HTRA2: variants seen among roughly 807,000 people sequenced by gnomAD.
The protein encoded by HTRA2 is serine protease HTRA2, mitochondrial.
A neutral mutation model predicts 42.2 loss-of-function variants in HTRA2; 24 were observed. The observed-to-expected ratio is 0.57, with a 90% confidence interval of 0.41 to 0.80. The LOEUF is 0.80. Among genes scored for constraint, HTRA2 ranks in the 30% least tolerant of loss-of-function variants. HTRA2 has a pLI of 0.00. For synonymous variants in HTRA2, 245 were observed against 255.8 expected (o/e 0.96, Z 0.40); for missense variants, 466 against 613.5 (o/e 0.76, Z 2.54).
Position 74,533,226 on chromosome 2 carries a change from A to G in HTRA2, c.*241A>G. 1.8e-6 allele frequency: 1 copy of G among 568,392 alleles called. No individual in the cohort carries two copies. The highest frequency in any genetic ancestry group is 3.1e-6 in the Non-Finnish European group (1 of 320,432). 35.2% of individuals were successfully genotyped at this position (568,392 alleles called of 1,614,324 possible). A position where few individuals can be genotyped will look rare whatever the true frequency, so the allele number is the denominator to read the frequency against. ...GAGGGCTGGATCTTTTCCCCCACCA[A>G]AAGGCTAGAGGTAAAGCTGTATCCC... On this transcript the variant is annotated 3_prime_UTR_variant, in exon 8 of 8. Transcript: ENST00000258080.
rs1675638882 is a variant in HTRA2 at position 74,531,911 on chromosome 2, G to C, written c.1101G>C (p.Leu367=). 6.2e-7 allele frequency: 1 copy of C among 1,614,008 alleles called. No individual in the cohort carries two copies. The highest frequency in any genetic ancestry group is 8.5e-7 in the Non-Finnish European group (1 of 1,180,020). The change falls in exon 6 of 8, where the codon CTG becomes CTC. Residue 367 remains leucine (L), a synonymous_variant. Coordinates refer to ENST00000258080, the MANE Select transcript of HTRA2 (RefSeq NM_013247.5). ...GGCGCTACATTGGGGTGATGATGCT[G>C]ACCCTGAGTCCCAGGTATGAGCTTT... The part of the protein sequence containing the change: ...SQRRYIGVMM[L]TLSPSILAEL...
chr2:74,530,157 A>G lies in HTRA2; in HGVS notation c.151A>G (p.Thr51Ala). The G allele has an allele frequency of 1.9e-6, 3 of 1,612,316 alleles. No individual in the cohort carries two copies. The highest frequency in any genetic ancestry group is 2.5e-6 in the Non-Finnish European group (3 of 1,179,504). ...AACTTCTGACCCCCGGGCCCGAGTG[A>G]CTTATGGGACCCCCAGTCTCTGGGC... ...SGTSDPRARV[T>A]YGTPSLWARL... Residue 51 changes from threonine (T) to alanine (A), a missense_variant, in exon 1 of 8, where the codon ACT (threonine) becomes GCT (alanine). By Grantham distance (58) the Thr-to-Ala change is moderately conservative. This residue lies in a region of HTRA2 where 222 missense variants were observed against 205.1 expected (regional missense o/e 1.08). Transcript: ENST00000258080. The surrounding 1 kb of genome is among the most constrained non-coding windows in gnomAD (Gnocchi z 7.4).
At chr2:74,531,979 G>C in intron 6 of HTRA2, 54 bp downstream of exon 6, 6 of 1,486,930 alleles carry the variant, frequency 4.0e-6, no homozygotes, top group Non-Finnish European at 5.6e-6. Flanking sequence ...TCAGAGGGGG[G>C]CACCTCTATT....
chr2:74,531,260 G>A, intron 3 of HTRA2, 79 bp from the exon 4 acceptor site: 2 of 1,574,850 alleles, frequency 1.3e-6, no homozygotes, highest in East Asian at 2.2e-5. Context: ...AAGAGAATTT[G>A]GAGAAAGTAC....
At chr2:74,531,784 TG>T in intron 5 of HTRA2, 71 bp from the exon 6 acceptor site, 1 of 1,610,656 alleles carries the variant, frequency 6.2e-7, no homozygotes, top group Non-Finnish European at 8.5e-7. Flanking sequence ...TCCTGGAGGG[TG>T]GTCTACTGGG....
At position 74,531,604 on chromosome 2, in the gene HTRA2, A is replaced by T. The variant is rs1453989980; in HGVS notation, c.947A>T (p.Glu316Val). The change falls in exon 5 of 8, where the codon GAG becomes GTG. Residue 316 changes from glutamate to valine, a missense_variant. Physicochemically the swap from Glu to Val is moderately radical, Grantham distance 121 (BLOSUM62 -2). Transcript: ENST00000258080. ...SGGPLVNLDG[E>V]VIGVNTMKVT... is the part of the protein sequence containing the mutation. ...GGGGCTGTATCCCTGCAGGATGGGGAGGTGATTGGAGTGAACACCATGAAG... is the reference window on the plus strand; with the variant it reads ...GGGGCTGTATCCCTGCAGGATGGGGTGGTGATTGGAGTGAACACCATGAAG... 6.2e-7 allele frequency: 1 copy of T among 1,613,978 alleles called. No individual in the cohort carries two copies. Among genetic ancestry groups the T allele is most frequent in the Admixed American group, 1.7e-5 (1 of 59,986 alleles).
intron 3 of HTRA2, 101 bp from the exon 4 acceptor site, chr2:74,531,238 G>A (rs767766388): frequency 6.4e-7 from 1 of 1,552,296 alleles, no homozygotes; most frequent in Non-Finnish European, 8.9e-7. Context: ...ACTTATTCAT[G>A]GGCTGAGAAA....
upstream of HTRA2, chr2:74,529,917 C>G (rs547013664): frequency 1.3e-5 from 19 of 1,472,480 alleles, no homozygotes; most frequent in South Asian, 2.3e-4. Context: ...CTTCAGGTAC[C>G]GGCGTGCCCC....
Position 74,531,336 on chromosome 2 carries a change from C to T in HTRA2, c.907-3C>T, listed in dbSNP as rs1264824715. On this transcript the variant is annotated splice_region_variant and splice_polypyrimidine_tract_variant and intron_variant, in intron 3 of 7. Coordinates refer to ENST00000258080, the MANE Select transcript of HTRA2 (RefSeq NM_013247.5). ...TCTTTCATGTTTTCTCCTTGTCCTA[C>T]AGTTTGGAAACTCTGGAGGTCCCCT... 1 of 1,614,088 alleles carries T rather than the reference C, an allele frequency of 6.2e-7. No individual in the cohort carries two copies. Among genetic ancestry groups the T allele is most frequent in the Middle Eastern group, 1.6e-4 (1 of 6,062 alleles).
Position 74,530,193 on chromosome 2 carries a change from G to C in HTRA2, c.187G>C (p.Val63Leu). The change falls in exon 1 of 8, where the codon GTT becomes CTT. Residue 63 changes from valine to leucine, a missense_variant. Coordinates refer to ENST00000258080, the MANE Select transcript of HTRA2 (RefSeq NM_013247.5). The surrounding 1 kb of genome is among the most constrained non-coding windows in gnomAD (Gnocchi z 7.4). ...GTPSLWARLS[V>L]GVTEPRACLT... is the part of the protein sequence containing the mutation. ...CCCCAGTCTCTGGGCCCGGTTGTCT[G>C]TTGGGGTCACTGAACCCCGAGCATG... is the stretch of plus-strand genomic sequence containing the variant. 6.2e-7 allele frequency: 1 copy of C among 1,611,402 alleles called. No homozygotes were observed. The highest frequency in any genetic ancestry group is 8.5e-7 in the Non-Finnish European group (1 of 1,179,078).
upstream of HTRA2, chr2:74,529,460 G>C (rs376231592): frequency 7.9e-4 from 1,229 of 1,563,958 alleles, 6 homozygotes; most frequent in Non-Finnish European, 4.1e-4. Context: ...CTGGCGCGTA[G>C]AGCAGCAGCA....
Position 74,531,117 on chromosome 2 carries a change from TAGG to T in HTRA2, c.906+15_906+17del. ...ATGCAGCTATTGATGTGCGTCCTGA[TAGG>T]AGAGAAATGACAAATGATGGGGGAG... On this transcript the variant is annotated intron_variant, in intron 3 of 7. Transcript: ENST00000258080. 2.5e-6 allele frequency: 4 copies of T among 1,613,712 alleles called. No individual in the cohort carries two copies. Among genetic ancestry groups the T allele is most frequent in the East Asian group, 2.2e-5 (1 of 44,876 alleles).
upstream of HTRA2, chr2:74,529,471 C>T: frequency 6.4e-7 from 1 of 1,560,320 alleles, no homozygotes; most frequent in Non-Finnish European, 8.7e-7. Context: ...AGCAGCAGCA[C>T]GAGCAGTAGG....
At chr2:74,532,002 C>A (rs1401227947) in intron 6 of HTRA2, 77 bp downstream of exon 6, 2 of 1,321,670 alleles carry the variant, frequency 1.5e-6, no homozygotes, top group African/African-American at 2.9e-5. Flanking sequence ...GCTTTGTTCT[C>A]ATTTCTGTCT....
In HTRA2 at chr2:74,531,807, G is replaced by A. The variant is rs2241028; in HGVS notation, c.1046-49G>A. 98,739 of 1,612,272 alleles carry A rather than the reference G, an allele frequency of 0.061. 3,680 individuals carry two copies. Among genetic ancestry groups the A allele is most frequent in the East Asian group, 0.19 (8,604 of 44,864 alleles). On this transcript the variant is annotated intron_variant, in intron 5 of 7. Coordinates refer to ENST00000258080, the MANE Select transcript of HTRA2 (RefSeq NM_013247.5). ...GGTGGTCTACTGGGAGAAGAGGGCA[G>A]GGAAGGAAGGATGTAGCTGGGTGGG...
At chr2:74,531,985 CTAT>C in intron 6 of HTRA2, 60 bp downstream of exon 6, 1 of 1,466,484 alleles carries the variant, frequency 6.8e-7, no homozygotes, top group Non-Finnish European at 9.5e-7. Flanking sequence ...GGGGGCACCT[CTAT>C]TGAGCTTTGT....
chr2:74,529,847 C>G, upstream of HTRA2: 1 of 1,418,672 alleles, frequency 7.0e-7, no homozygotes, highest in Non-Finnish European at 9.2e-7. Context: ...TCCCGGCATT[C>G]GTGGGGCAGG....
chr2:74,529,721 T>A (rs1398199241), upstream of HTRA2: 2 of 1,528,966 alleles, frequency 1.3e-6, no homozygotes, highest in Non-Finnish European at 1.7e-6. Context: ...TCTTTGGGCA[T>A]CCGCCCGGGG....
At chr2:74,531,755 A>G in intron 5 of HTRA2, 53 bp downstream of exon 5, 1 of 1,612,362 alleles carries the variant, frequency 6.2e-7, no homozygotes, top group Admixed American at 1.7e-5. Flanking sequence ...GAAATAGGGG[A>G]AGGGCATTCA....
Sources: gnomAD v4.1 joint callset for allele counts on GRCh38, gnomAD v4.1.1 for gene constraint, gnomAD v4.1.1 regional missense constraint, Gnocchi (gnomAD v3.1) non-coding constraint, MANE v1.5 for transcripts, NCBI Gene and HGNC (gene_info 2026-07-23, HGNC 2026-07-21) for gene names.